Variants in SH3RF3 observed in about 807,000 individuals in gnomAD.
SH3RF3 encodes the protein SH3 domain containing ring finger 3, also known as E3 ubiquitin-protein ligase SH3RF3.
In SH3RF3, 29 loss-of-function variants were observed where a neutral mutation model predicts 66.3. The observed-to-expected ratio is 0.44, with a 90% CI of 0.33 to 0.60. The LOEUF (loss-of-function observed/expected upper bound fraction) is 0.60. Among genes scored for constraint, SH3RF3 ranks in the 20% least tolerant of loss-of-function variants. SH3RF3 has a pLI of 0.04. For missense variants in SH3RF3, 1,194 were observed against 1,190.9 expected, an observed-to-expected ratio of 1.00 and a Z score of -0.04; for synonymous variants, 583 against 532.0, an observed-to-expected ratio of 1.10 and a Z score of -1.32.
intron 1 of SH3RF3, among the ~76,000 whole-genome samples, chr2:109,266,776 G>C (rs966536589): frequency 1.3e-5 from 2 of 152,182 alleles, no homozygotes; most frequent in Admixed American, 1.3e-4. Flanking sequence ...AGGGGTGAGC[G>C]TGTGCCCACT....
intron 1 of SH3RF3, among the ~76,000 whole-genome samples, chr2:109,153,259 C>T (rs1446965600): frequency 6.6e-6 from 1 of 152,130 alleles, no homozygotes; most frequent in African/African-American, 2.4e-5. Flanking sequence ...TACATTAATT[C>T]TTGAAGGGAA....
rs1424816063 is a variant in SH3RF3 at position 109,129,409 on chromosome 2, G to A, written c.-132G>A. The A allele has an allele frequency of 7.0e-7, 1 of 1,435,726 alleles. No individual in the cohort carries two copies. The highest frequency in any genetic ancestry group is 9.3e-7 in the Non-Finnish European group (1 of 1,073,494). 88.9% of individuals were successfully genotyped at this position (1,435,726 alleles called of 1,614,324 possible). On this transcript the variant is annotated 5_prime_UTR_variant, in exon 1 of 10. Transcript: ENST00000309415. The stretch of plus-strand genomic sequence containing the variant: ...TCGCACCGCCACAGCCCTAGCATCG[G>A]GCCACCAGCCGGGGTGAAGAAAGTC...
intron 7 of SH3RF3, among the ~76,000 whole-genome samples, chr2:109,447,150 A>G (rs988897451): frequency 7.7e-6 from 1 of 130,594 alleles, no homozygotes. Context: ...GAATATTTAA[A>G]AAAAAAAAAA....
At chr2:109,422,797 C>A (rs1484566500) in intron 5 of SH3RF3, among the ~76,000 whole-genome samples, 2 of 152,170 alleles carry the variant, frequency 1.3e-5, no homozygotes, top group African/African-American at 4.8e-5. Context: ...ACCTCCACTT[C>A]TTCGTGGGCA....
intron 7 of SH3RF3, 97 bp from the exon 8 acceptor site, chr2:109,449,073 C>G (rs1259113536): frequency 2.8e-6 from 4 of 1,417,306 alleles, no homozygotes; most frequent in East Asian, 2.5e-5. Context: ...TGTGAGTGCT[C>G]GAGAAGGGAG....
At chr2:109,281,796 A>G (rs1680899842) in intron 1 of SH3RF3, among the ~76,000 whole-genome samples, 1 of 152,150 alleles carries the variant, frequency 6.6e-6, no homozygotes, top group Admixed American at 6.5e-5. Flanking sequence ...GCCAATGGAC[A>G]CACTGACTGT....
intron 3 of SH3RF3, among the ~76,000 whole-genome samples, chr2:109,394,824 C>T (rs982288757): frequency 6.6e-6 from 1 of 152,218 alleles, no homozygotes; most frequent in African/African-American, 2.4e-5. Context: ...CCTGGCTTCC[C>T]TGCAGCATGG....
intron 9 of SH3RF3, among the ~76,000 whole-genome samples, chr2:109,494,266 C>T (rs1343290168): frequency 6.6e-6 from 1 of 151,292 alleles, no homozygotes; most frequent in African/African-American, 2.4e-5. Flanking sequence ...TCCATCTAAT[C>T]AGGGGTCATT....
At chr2:109,462,927 G>A (rs1324210649) in intron 8 of SH3RF3, among the ~76,000 whole-genome samples, 1 of 152,192 alleles carries the variant, frequency 6.6e-6, no homozygotes, top group Non-Finnish European at 1.5e-5. Flanking sequence ...GTGTCCAGCT[G>A]TCCCTGAAAA....
rs763784556 is a variant in SH3RF3 at position 109,503,351 on chromosome 2, G to A, written c.*1680G>A. On this transcript the variant is annotated 3_prime_UTR_variant, in exon 10 of 10. Transcript: ENST00000309415. Reference sequence around the variant, plus strand: ...GCCTGGCATGAAGACTTTGAAACACGGGCCGCTTATTTTCAGAGTTCCTGT... The same window carrying A: ...GCCTGGCATGAAGACTTTGAAACACAGGCCGCTTATTTTCAGAGTTCCTGT... 1 of 152,096 alleles carries A rather than the reference G, an allele frequency of 6.6e-6. No homozygotes were observed. The highest frequency in any genetic ancestry group is 1.5e-5 in the Non-Finnish European group (1 of 68,028). The allele number at this position is 152,096 out of a possible 1,614,324, so 9.4% of individuals were successfully genotyped here.
intron 7 of SH3RF3, among the ~76,000 whole-genome samples, chr2:109,439,944 A>G (rs1489564380): frequency 6.6e-6 from 1 of 152,140 alleles, no homozygotes; most frequent in Non-Finnish European, 1.5e-5. Flanking sequence ...GGGGAGGAAA[A>G]TAGGAGGGGG....
intron 8 of SH3RF3, among the ~76,000 whole-genome samples, chr2:109,472,605 G>A (rs926857466): frequency 6.6e-6 from 1 of 152,152 alleles, no homozygotes; most frequent in Non-Finnish European, 1.5e-5. Flanking sequence ...CCATCCATCT[G>A]TTTCATTTAA....
At chr2:109,340,990 T>G (rs1459568372) in intron 1 of SH3RF3, among the ~76,000 whole-genome samples, 2 of 152,226 alleles carry the variant, frequency 1.3e-5, no homozygotes, top group African/African-American at 4.8e-5. Context: ...GTAGACAATT[T>G]ATGTCTTCAC....
intron 2 of SH3RF3, among the ~76,000 whole-genome samples, chr2:109,371,087 A>G (rs982181067): frequency 4.6e-5 from 7 of 152,174 alleles, no homozygotes; most frequent in Admixed American, 2.6e-4. Flanking sequence ...GCTATAATCA[A>G]TAGTGTCAGA....
At position 109,503,449 on chromosome 2, in the gene SH3RF3, C is replaced by G. The variant is rs527661122; in HGVS notation, c.*1778C>G. The stretch of plus-strand genomic sequence containing the variant: ...GGCGGGGGTCATGCCTTTCCCTCCC[C>G]CAAGATGATAATAGATTTAATAGAC... On this transcript the variant is annotated 3_prime_UTR_variant, in exon 10 of 10. Coordinates refer to ENST00000309415, the MANE Select transcript of SH3RF3 (RefSeq NM_001099289.3). 1.3e-5 allele frequency: 2 copies of G among 152,226 alleles called. No homozygotes were observed. Among genetic ancestry groups the G allele is most frequent in the South Asian group, 4.2e-4 (2 of 4,812 alleles). The allele number at this position is 152,226 out of a possible 1,614,324, so 9.4% of individuals were successfully genotyped here. A position where few individuals can be genotyped will look rare whatever the true frequency, so the allele number is the denominator to read the frequency against.
intron 8 of SH3RF3, among the ~76,000 whole-genome samples, chr2:109,456,726 T>C (rs1678069593): frequency 6.6e-6 from 1 of 152,172 alleles, no homozygotes; most frequent in Non-Finnish European, 1.5e-5. Context: ...AGGGTACAAA[T>C]GTGGACATGA....
intron 1 of SH3RF3, among the ~76,000 whole-genome samples, chr2:109,211,621 G>T (rs1488077942): frequency 6.6e-6 from 1 of 151,316 alleles, no homozygotes; most frequent in Non-Finnish European, 1.5e-5. Flanking sequence ...ATGCACATGA[G>T]CCCTTCGGCC....
intron 1 of SH3RF3, among the ~76,000 whole-genome samples, chr2:109,135,870 A>G (rs1676803096): frequency 6.6e-6 from 1 of 152,188 alleles, no homozygotes; most frequent in Non-Finnish European, 1.5e-5. Context: ...AAACTTCATT[A>G]AAAGGGAAAA....
At chr2:109,232,027 G>A (rs373874239) in intron 1 of SH3RF3, among the ~76,000 whole-genome samples, 5 of 152,102 alleles carry the variant, frequency 3.3e-5, no homozygotes, top group Admixed American at 6.6e-5. Flanking sequence ...TTATTTATCC[G>A]TTCATTAGAT....
Sources: gnomAD v4.1 joint callset for allele counts (sites outside exome capture counted in the v4.1 genomes callset) on GRCh38, gnomAD v4.1.1 for gene constraint, MANE v1.5 for transcripts, NCBI Gene and HGNC (gene_info 2026-07-23, HGNC 2026-07-21) for gene names.